BNC2: variants seen among roughly 807,000 people sequenced by gnomAD.
BNC2 encodes basonuclin zinc finger protein 2.
BNC2 carries 20 observed loss-of-function variants against 76.3 expected under a neutral mutation model. The observed-to-expected ratio is 0.26, with a 90% confidence interval of 0.18 to 0.38. The LOEUF (loss-of-function observed/expected upper bound fraction) is 0.38. Among genes scored for constraint, BNC2 ranks in the 10% least tolerant of loss-of-function variants. BNC2 has a pLI of 1.00. For missense variants in BNC2, 1,382 were observed against 1,399.8 expected (o/e 0.99, Z 0.20); for synonymous variants, 582 against 514.8 (o/e 1.13, Z -1.77).
At chr9:16,529,573 C>T (rs1411818072) in intron 5 of BNC2, among the ~76,000 whole-genome samples, 1 of 151,994 alleles carries the variant, frequency 6.6e-6, no homozygotes, top group African/African-American at 2.4e-5. Context: ...AATTTTCTTA[C>T]CTAATTCTGG....
chr9:16,447,971 G>C (rs1233233259), intron 5 of BNC2, among the ~76,000 whole-genome samples: 1 of 151,978 alleles, frequency 6.6e-6, no homozygotes, highest in Non-Finnish European at 1.5e-5. Context: ...TTATTTTATA[G>C]TTTAGAACAG....
At chr9:16,529,301 T>C (rs763727663) in intron 5 of BNC2, among the ~76,000 whole-genome samples, 9 of 152,204 alleles carry the variant, frequency 5.9e-5, no homozygotes, top group Non-Finnish European at 1.2e-4. Flanking sequence ...ACAAGATATA[T>C]TTTTTAAACA....
chr9:16,857,169 C>G (rs1819279146), intron 1 of BNC2, among the ~76,000 whole-genome samples: 1 of 151,986 alleles, frequency 6.6e-6, no homozygotes, highest in African/African-American at 2.4e-5. Flanking sequence ...AAAATTTTTA[C>G]TGTAACAATT....
At chr9:16,708,864 A>G (rs1345656982) in intron 3 of BNC2, among the ~76,000 whole-genome samples, 1 of 152,194 alleles carries the variant, frequency 6.6e-6, no homozygotes, top group Non-Finnish European at 1.5e-5. Flanking sequence ...CAATGCCACT[A>G]GAAAAGCACA....
chr9:16,683,868 A>G (rs1038752840), intron 3 of BNC2, among the ~76,000 whole-genome samples: 1 of 152,180 alleles, frequency 6.6e-6, no homozygotes, highest in African/African-American at 2.4e-5. Flanking sequence ...AACAGATTCA[A>G]TCCTTCCACG....
chr9:16,441,835 A>G (rs565449228), intron 5 of BNC2, among the ~76,000 whole-genome samples: 39 of 152,362 alleles, frequency 2.6e-4, no homozygotes, highest in African/African-American at 8.7e-4. Context: ...TAAATTGTCA[A>G]ATAAACTTTA....
chr9:16,423,237 A>G (rs976099631), intron 6 of BNC2, among the ~76,000 whole-genome samples: 2 of 152,238 alleles, frequency 1.3e-5, no homozygotes, highest in Non-Finnish European at 2.9e-5. Context: ...AAGAATACTC[A>G]ATAACAAATA....
rs532593330 is a variant in BNC2 at position 16,575,004 on chromosome 9, CT to C, written c.433+7978del. Among the ~76,000 whole-genome samples the C allele has an allele frequency of 1.7e-4, 26 of 152,292 alleles. 1 individual carries two copies. The South Asian group carries it at 5.4e-3, about 32-fold the overall frequency. On this transcript the variant is annotated intron_variant, in intron 4 of 6. Coordinates refer to ENST00000380672, the MANE Select transcript of BNC2 (RefSeq NM_017637.6). ...TCATGTCCACAGTGTTGAAGTCTTA[CT>C]TTTATAGGAAGTTAGTGATAACAGC...
intron 3 of BNC2, among the ~76,000 whole-genome samples, chr9:16,698,554 G>C (rs571426056): frequency 6.6e-6 from 1 of 152,102 alleles, no homozygotes; most frequent in East Asian, 1.9e-4. Context: ...TTAGCTGGGC[G>C]TGGTGGCGCA....
At chr9:16,842,143 GT>G (rs1818846937) in intron 1 of BNC2, among the ~76,000 whole-genome samples, 2 of 152,264 alleles carry the variant, frequency 1.3e-5, no homozygotes, top group South Asian at 4.1e-4. Context: ...ATTTTTTGGA[GT>G]TTTGAAGCTG....
chr9:16,565,665 A>T (rs1819145998), intron 4 of BNC2, among the ~76,000 whole-genome samples: 2 of 152,070 alleles, frequency 1.3e-5, no homozygotes, highest in African/African-American at 4.8e-5. Context: ...AAAATTAGCC[A>T]GGCATTGTGG....
chr9:16,539,586 G>C (rs935247802), intron 5 of BNC2, among the ~76,000 whole-genome samples: 1 of 98,432 alleles, frequency 1.0e-5, no homozygotes, highest in African/African-American at 5.0e-5. Context: ...ACAGAGAAGG[G>C]AGGGAGGGAG....
chr9:16,604,682 G>A (rs576760977), intron 3 of BNC2, among the ~76,000 whole-genome samples: 46 of 152,058 alleles, frequency 3.0e-4, no homozygotes, highest in African/African-American at 8.9e-4. Flanking sequence ...GTGGGCGCCC[G>A]TAATCCCAGC....
chr9:16,597,934 C>T (rs1241797765), intron 3 of BNC2, among the ~76,000 whole-genome samples: 1 of 152,042 alleles, frequency 6.6e-6, no homozygotes, highest in Non-Finnish European at 1.5e-5. Context: ...ACTGTAATTT[C>T]TCATTAAATA....
At chr9:16,824,731 G>C (rs1040605104) in intron 1 of BNC2, among the ~76,000 whole-genome samples, 3 of 152,172 alleles carry the variant, frequency 2.0e-5, no homozygotes, top group Non-Finnish European at 4.4e-5. Flanking sequence ...AAAAAAGTAT[G>C]AGCCACAGAG....
intron 1 of BNC2, among the ~76,000 whole-genome samples, chr9:16,866,767 GTTT>G (rs1010214992): frequency 6.6e-6 from 1 of 151,436 alleles, no homozygotes; most frequent in African/African-American, 2.4e-5. Flanking sequence ...TGGCCAGAGT[GTTT>G]TTTAAACCTT....
At chr9:16,536,690 T>C (rs1818139463) in intron 5 of BNC2, among the ~76,000 whole-genome samples, 1 of 152,174 alleles carries the variant, frequency 6.6e-6, no homozygotes, top group Admixed American at 6.5e-5. Context: ...AAGCTAATAA[T>C]GTACTTTAAA....
intron 5 of BNC2, among the ~76,000 whole-genome samples, chr9:16,481,247 A>G (rs1054231164): frequency 6.6e-6 from 1 of 152,064 alleles, no homozygotes; most frequent in Non-Finnish European, 1.5e-5. Context: ...GGCTCTACCA[A>G]TCAGCAGGAT....
intron 3 of BNC2, among the ~76,000 whole-genome samples, chr9:16,609,650 C>A (rs1475409247): frequency 6.6e-6 from 1 of 152,126 alleles, no homozygotes; most frequent in African/African-American, 2.4e-5. Context: ...CAGCAGAATC[C>A]CAGGAGTGTG....
Sources: allele counts gnomAD v4.1 joint callset (sites outside exome capture counted in the v4.1 genomes callset), GRCh38; gene constraint gnomAD v4.1.1; transcripts MANE v1.5; gene names NCBI Gene and HGNC (gene_info 2026-07-23, HGNC 2026-07-21).